EGFLAM: variants seen among roughly 807,000 people sequenced by gnomAD.
EGFLAM encodes the protein pikachurin.
Under a neutral mutation model 113.1 loss-of-function variants are expected in EGFLAM, and 79 were observed. The ratio of observed to expected loss-of-function variants is 0.70; its 90% CI spans 0.58 to 0.84. The LOEUF (loss-of-function observed/expected upper bound fraction) is 0.84, where lower values mean the gene tolerates loss of function less well. Among genes scored for constraint, EGFLAM ranks in the 40% least tolerant of loss-of-function variants. EGFLAM has a pLI of 0.00. For synonymous variants in EGFLAM, 504 were observed against 487.6 expected (o/e 1.03, Z -0.44); for missense variants, 1,265 against 1,291.6 (o/e 0.98, Z 0.32).
At chr5:38,329,150 G>A (rs968074792) in intron 1 of EGFLAM, among the ~76,000 whole-genome samples, 1 of 151,966 alleles carries the variant, frequency 6.6e-6, no homozygotes, top group Admixed American at 6.6e-5. Context: ...TTAGCTAGAT[G>A]TGGTGGCACG....
chr5:38,370,543 C>G, intron 6 of EGFLAM, 81 bp downstream of exon 6: 1 of 1,492,890 alleles, frequency 6.7e-7, no homozygotes, highest in Non-Finnish European at 9.0e-7. Context: ...GACCTGGATG[C>G]CGTGCAGAAG....
intron 11 of EGFLAM, among the ~76,000 whole-genome samples, chr5:38,414,930 T>A (rs1264201083): frequency 6.6e-6 from 1 of 152,138 alleles, no homozygotes; most frequent in East Asian, 1.9e-4. Flanking sequence ...GGGGGCATCC[T>A]TGGGAGGTGT....
At chr5:38,336,365 A>G (rs974598236) in intron 1 of EGFLAM, among the ~76,000 whole-genome samples, 3 of 152,186 alleles carry the variant, frequency 2.0e-5, no homozygotes, top group African/African-American at 7.2e-5. Flanking sequence ...CAAGGTCAGG[A>G]GATCGAGACC....
intron 1 of EGFLAM, among the ~76,000 whole-genome samples, chr5:38,278,196 T>C (rs761555072): frequency 2.2e-4 from 34 of 152,086 alleles, no homozygotes; most frequent in Non-Finnish European, 2.2e-4. Flanking sequence ...AACAGACACA[T>C]AGACCAGTGG....
chr5:38,431,375 T>A (rs1742182860), intron 15 of EGFLAM, 87 bp downstream of exon 15: 1 of 1,369,076 alleles, frequency 7.3e-7, no homozygotes, highest in Admixed American at 2.0e-5. Context: ...CAGCAGAGTG[T>A]TCTGGTTAAC....
At chr5:38,284,879 CT>C (rs1758116293) in intron 1 of EGFLAM, among the ~76,000 whole-genome samples, 2 of 152,272 alleles carry the variant, frequency 1.3e-5, no homozygotes, top group South Asian at 4.1e-4. Context: ...GCAATAATAA[CT>C]ATGTATATTC....
intron 14 of EGFLAM, chr5:38,427,483 G>A (rs1742055219): frequency 1.8e-6 from 1 of 567,346 alleles, no homozygotes; most frequent in African/African-American, 1.9e-5. Context: ...CCAACAGGTA[G>A]CAATTGTATG....
At chr5:38,333,916 GTTTTTT>G (rs70978880) in intron 1 of EGFLAM, among the ~76,000 whole-genome samples, 1 of 29,276 alleles carries the variant, frequency 3.4e-5, no homozygotes, top group African/African-American at 1.6e-4. Context: ...ATTGTTGAGG[GTTTTTT>G]TTTTTTTTTT....
At chr5:38,375,600 G>T (rs1740345395) in intron 6 of EGFLAM, among the ~76,000 whole-genome samples, 1 of 152,188 alleles carries the variant, frequency 6.6e-6, no homozygotes, top group South Asian at 2.1e-4. Context: ...ACTAACTGGG[G>T]AAGCTTTCAC....
At chr5:38,382,961 G>A (rs1409416428) in intron 6 of EGFLAM, among the ~76,000 whole-genome samples, 1 of 152,168 alleles carries the variant, frequency 6.6e-6, no homozygotes, top group East Asian at 1.9e-4. Flanking sequence ...AGGGAGTGCA[G>A]GGGCATGCCA....
chr5:38,317,948 G>A (rs552539972), intron 1 of EGFLAM, among the ~76,000 whole-genome samples: 25 of 152,254 alleles, frequency 1.6e-4, no homozygotes, highest in Non-Finnish European at 2.2e-4. Flanking sequence ...GGAGGAAACC[G>A]GAGAGAAACC....
rs1267324674 is a variant in EGFLAM at position 38,438,301 on chromosome 5, T to C, written c.2310T>C (p.His770=). The change falls in exon 17 of 22, where the codon CAT becomes CAC. Residue 770 remains histidine (H), a synonymous_variant. Coordinates refer to ENST00000322350, the MANE Select transcript of EGFLAM (RefSeq NM_152403.4). ...QKIILNDRTI[H]VKHDFTSGVN... Reference sequence around the variant, plus strand: ...TCATCCTGAATGACCGAACCATCCATGTGAAGCATGACTTCACCTCCGGAG... The same window carrying C: ...TCATCCTGAATGACCGAACCATCCACGTGAAGCATGACTTCACCTCCGGAG... The C allele has an allele frequency of 1.2e-6, 2 of 1,613,692 alleles. No homozygotes were observed. Among genetic ancestry groups the C allele is most frequent in the Admixed American group, 1.7e-5 (1 of 59,968 alleles).
At chr5:38,325,560 G>A (rs996563731) in intron 1 of EGFLAM, among the ~76,000 whole-genome samples, 2 of 152,228 alleles carry the variant, frequency 1.3e-5, no homozygotes, top group Admixed American at 6.5e-5. Flanking sequence ...TAAGGTTTGA[G>A]CATTGCTTTA....
intron 6 of EGFLAM, among the ~76,000 whole-genome samples, chr5:38,404,247 A>G (rs767081286): frequency 2.0e-5 from 3 of 152,124 alleles, no homozygotes; most frequent in Admixed American, 6.6e-5. Flanking sequence ...CCTCAAATTC[A>G]TATGTTGAAA....
At chr5:38,334,156 T>C (rs1739125186) in intron 1 of EGFLAM, among the ~76,000 whole-genome samples, 1 of 152,282 alleles carries the variant, frequency 6.6e-6, no homozygotes, top group Admixed American at 6.5e-5. Context: ...ACTCCTGACC[T>C]CAGGTGATCC....
At position 38,258,712 on chromosome 5, in the gene EGFLAM, T is replaced by C. The variant is rs779097893; in HGVS notation, c.-43T>C. The C allele has an allele frequency of 6.4e-7, 1 of 1,574,342 alleles. No homozygotes were observed. ...CGCCCCCGGAGACGCCCTTTCCGTG[T>C]GCGCCCGGGACTTGGTGAAACTTTG... On this transcript the variant is annotated 5_prime_UTR_variant, in exon 1 of 22. Transcript: ENST00000322350.
intron 1 of EGFLAM, among the ~76,000 whole-genome samples, chr5:38,319,686 T>C (rs2250258): frequency 0.36 from 55,033 of 152,028 alleles, 12,222 homozygotes; most frequent in African/African-American, 0.63. Flanking sequence ...CCATCTGGAA[T>C]GCTTGGCATT....
At chr5:38,336,066 T>G (rs1022400111) in intron 1 of EGFLAM, among the ~76,000 whole-genome samples, 2 of 152,138 alleles carry the variant, frequency 1.3e-5, no homozygotes, top group African/African-American at 4.8e-5. Context: ...AGCAAAATAT[T>G]GGGAATAAAT....
intron 11 of EGFLAM, among the ~76,000 whole-genome samples, chr5:38,417,243 G>A (rs1561079978): frequency 6.6e-6 from 1 of 151,488 alleles, no homozygotes; most frequent in African/African-American, 2.4e-5. Context: ...AGCTACTCAG[G>A]AGGCTGAGAC....
Sources: gnomAD v4.1 joint callset for allele counts (sites outside exome capture counted in the v4.1 genomes callset) on GRCh38, gnomAD v4.1.1 for gene constraint, MANE v1.5 for transcripts, NCBI Gene and HGNC (gene_info 2026-07-23, HGNC 2026-07-21) for gene names.